Variants in KCNJ6 observed in about 807,000 individuals in gnomAD.
KCNJ6 encodes the protein G protein-activated inward rectifier potassium channel 2.
A neutral mutation model predicts 34.2 loss-of-function variants in KCNJ6; 9 were observed. The observed-to-expected ratio is 0.26, with a 90% CI of 0.16 to 0.46. The LOEUF (loss-of-function observed/expected upper bound fraction) is 0.46. KCNJ6 is among the 20% of genes least tolerant of loss of function. The probability of loss-of-function intolerance (pLI) is 1.00; values close to 1 mark genes in which losing one functional copy is unlikely to be tolerated. For synonymous variants in KCNJ6, 196 were observed against 207.1 expected (o/e 0.95, Z 0.46); for missense variants, 236 against 531.3 (o/e 0.44, Z 5.46).
intron 3 of KCNJ6, among the ~76,000 whole-genome samples, chr21:37,633,105 C>A (rs1194291208): frequency 6.6e-6 from 1 of 152,022 alleles, no homozygotes; most frequent in Non-Finnish European, 1.5e-5. Flanking sequence ...GAAATATTAG[C>A]AAACCAAATC....
In KCNJ6 at chr21:37,614,561, T is replaced by G. The variant is rs1465908234; in HGVS notation, c.*10598A>C. 1.3e-5 allele frequency: 2 copies of G among 149,626 alleles called. No homozygotes were observed. The highest frequency in any genetic ancestry group is 5.0e-5 in the African/African-American group (2 of 39,916). The allele number at this position is 149,626 out of a possible 1,614,324, so 9.3% of individuals were successfully genotyped here. On this transcript the variant is annotated 3_prime_UTR_variant, in exon 4 of 4. Coordinates refer to ENST00000609713, the MANE Select transcript of KCNJ6 (RefSeq NM_002240.5). ...CTGTGTATGCGTGTGTGTGTATGCG[T>G]GTGTGTATGCATGTGTCTCTGTATG...
At chr21:37,696,276 T>C (rs2054663089) in intron 3 of KCNJ6, among the ~76,000 whole-genome samples, 1 of 152,198 alleles carries the variant, frequency 6.6e-6, no homozygotes, top group Non-Finnish European at 1.5e-5. Flanking sequence ...AAACTAGTAA[T>C]TTTAAAGTTA....
At chr21:37,859,994 A>T (rs1330371203) in intron 1 of KCNJ6, among the ~76,000 whole-genome samples, 1 of 150,648 alleles carries the variant, frequency 6.6e-6, no homozygotes, top group East Asian at 2.0e-4. Context: ...TTGCATCATG[A>T]CTCCTTGTGG....
At chr21:37,689,328 TG>T (rs11312341) in intron 3 of KCNJ6, among the ~76,000 whole-genome samples, 152,340 of 152,340 alleles carry the variant, frequency 1, 76,170 homozygotes, top group Non-Finnish European at 1. Context: ...AAAAGTCTGA[TG>T]GAATGGATAA....
chr21:37,717,681 G>A (rs2054800683), intron 2 of KCNJ6, among the ~76,000 whole-genome samples: 1 of 152,236 alleles, frequency 6.6e-6, no homozygotes, highest in South Asian at 2.1e-4. Context: ...TGTCTGCAGA[G>A]CCCTGCGAAG....
chr21:37,669,878 TTA>T (rs1216169498), intron 3 of KCNJ6, among the ~76,000 whole-genome samples: 2 of 152,206 alleles, frequency 1.3e-5, no homozygotes, highest in Non-Finnish European at 2.9e-5. Context: ...TTTGATGAAG[TTA>T]TATTTATATT....
chr21:37,614,580 C>CTG lies in KCNJ6; in HGVS notation c.*10577_*10578dup, dbSNP rs367795139. 0.31 allele frequency: 35,775 copies of CTG among 114,894 alleles called. 5,549 individuals carry two copies. Among genetic ancestry groups the CTG allele is most frequent in the Middle Eastern group, 0.38 (66 of 176 alleles). 7.1% of individuals were successfully genotyped at this position (114,894 alleles called of 1,614,324 possible). A position where few individuals can be genotyped will look rare whatever the true frequency, so the allele number is the denominator to read the frequency against. Reference sequence around the variant, plus strand: ...TATGCGTGTGTGTATGCATGTGTCTCTGTATGCATGTGTGTGTATGCATGT... The same window carrying CTG: ...TATGCGTGTGTGTATGCATGTGTCTCTGTGTATGCATGTGTGTGTATGCATGT... On this transcript the variant is annotated 3_prime_UTR_variant, in exon 4 of 4. Transcript: ENST00000609713.
intron 2 of KCNJ6, among the ~76,000 whole-genome samples, chr21:37,728,988 G>A (rs1336468054): frequency 6.6e-6 from 1 of 152,104 alleles, no homozygotes; most frequent in Admixed American, 6.5e-5. Context: ...TGTGTCCCTT[G>A]AGCTGTTGTG....
intron 2 of KCNJ6, among the ~76,000 whole-genome samples, chr21:37,833,542 A>G (rs2055437208): frequency 6.6e-6 from 1 of 152,018 alleles, no homozygotes; most frequent in African/African-American, 2.4e-5. Flanking sequence ...CTTCCCCACC[A>G]TGGCCATGGA....
At position 37,786,493 on chromosome 21, in the gene KCNJ6, A is replaced by G. The variant is rs1312721191; in HGVS notation, c.25+54165T>C. Among the ~76,000 whole-genome samples the G allele has an allele frequency of 2.6e-5, 4 of 152,216 alleles. No individual in the cohort carries two copies. In the East Asian group the frequency reaches 7.7e-4, roughly 29 times the overall value. The stretch of plus-strand genomic sequence containing the variant: ...TCAGAGGCCATCTCCTTTCAGAAGA[A>G]AATAAGGTGCCTCTGGACACTGTCG... On this transcript the variant is annotated intron_variant, in intron 2 of 3. Transcript: ENST00000609713.
chr21:37,885,876 T>A (rs2055732994), intron 1 of KCNJ6, among the ~76,000 whole-genome samples: 1 of 152,240 alleles, frequency 6.6e-6, no homozygotes. Flanking sequence ...TCACTTGTTA[T>A]GCAGCAGTAG....
At chr21:37,883,010 T>C (rs576750325) in intron 1 of KCNJ6, among the ~76,000 whole-genome samples, 1 of 152,280 alleles carries the variant, frequency 6.6e-6, no homozygotes, top group East Asian at 1.9e-4. Context: ...GCCTGTGTGT[T>C]TGTATGCATA....
intron 2 of KCNJ6, among the ~76,000 whole-genome samples, chr21:37,776,895 A>G (rs1018447379): frequency 5.3e-5 from 8 of 152,000 alleles, no homozygotes; most frequent in Non-Finnish European, 7.4e-5. Context: ...CTCTTTTTCT[A>G]TTGATTGGAA....
intron 3 of KCNJ6, among the ~76,000 whole-genome samples, chr21:37,679,305 C>T (rs771143015): frequency 3.7e-4 from 56 of 152,168 alleles, no homozygotes; most frequent in Admixed American, 6.5e-4. Flanking sequence ...TTGTTTTCAG[C>T]CACTAAGTTT....
intron 3 of KCNJ6, among the ~76,000 whole-genome samples, chr21:37,658,515 C>T (rs2123395670): frequency 6.6e-6 from 1 of 152,260 alleles, no homozygotes; most frequent in African/African-American, 2.4e-5. Flanking sequence ...TTAGAAAGCC[C>T]CGAAGAAATG....
At chr21:37,764,232 A>T (rs1435484330) in intron 2 of KCNJ6, among the ~76,000 whole-genome samples, 3 of 152,158 alleles carry the variant, frequency 2.0e-5, no homozygotes, top group African/African-American at 7.2e-5. Flanking sequence ...AGCTGGTTTG[A>T]AGGGACTTTC....
intron 1 of KCNJ6, among the ~76,000 whole-genome samples, chr21:37,853,862 A>ATATATATATATATATATATATATATATAT (rs1568872528): frequency 6.8e-6 from 1 of 146,666 alleles, no homozygotes; most frequent in African/African-American, 2.5e-5. Flanking sequence ...ATATATATAT[A>ATATATATATATATATATATATATATATAT]AATTACATTG....
chr21:37,852,295 T>C (rs2055541597), intron 1 of KCNJ6, among the ~76,000 whole-genome samples: 1 of 152,080 alleles, frequency 6.6e-6, no homozygotes. Context: ...CTGGTAATAA[T>C]GAGGTATGTC....
At chr21:37,670,572 C>T (rs537677406) in intron 3 of KCNJ6, among the ~76,000 whole-genome samples, 9 of 152,192 alleles carry the variant, frequency 5.9e-5, no homozygotes, top group African/African-American at 9.6e-5. Context: ...TGAAACCAGC[C>T]GGGGCAACGT....
Sources: gnomAD v4.1 joint callset for allele counts (sites outside exome capture counted in the v4.1 genomes callset) on GRCh38, gnomAD v4.1.1 for gene constraint, MANE v1.5 for transcripts, NCBI Gene and HGNC (gene_info 2026-07-23, HGNC 2026-07-21) for gene names.